Variants in FMNL2 observed in about 807,000 individuals in gnomAD.
FMNL2 encodes formin like 2.
Under a neutral mutation model 130.2 loss-of-function variants are expected in FMNL2, and 51 were observed. That is an observed-to-expected ratio of 0.39 (90% CI 0.31 to 0.49). FMNL2 has a LOEUF of 0.49. Among genes scored for constraint, FMNL2 ranks in the 20% least tolerant of loss-of-function variants. The pLI is 0.85. For missense variants in FMNL2, 977 were observed against 1,316.2 expected (o/e 0.74, Z 3.99); for synonymous variants, 465 against 467.1 (o/e 1.00, Z 0.06).
At chr2:152,348,159 C>A (rs896837988) in intron 1 of FMNL2, among the ~76,000 whole-genome samples, 1 of 152,190 alleles carries the variant, frequency 6.6e-6, no homozygotes, top group African/African-American at 2.4e-5. Context: ...ACTCTCCTTA[C>A]TTTGATCGCT....
chr2:152,521,292 T>C (rs995434375), intron 1 of FMNL2, among the ~76,000 whole-genome samples: 2 of 152,184 alleles, frequency 1.3e-5, no homozygotes, highest in Non-Finnish European at 2.9e-5. Flanking sequence ...GAGGAGGGTT[T>C]ATACGAGTGC....
At chr2:152,362,452 C>T (rs1439189281) in intron 1 of FMNL2, among the ~76,000 whole-genome samples, 1 of 152,072 alleles carries the variant, frequency 6.6e-6, no homozygotes, top group African/African-American at 2.4e-5. Context: ...AATGGAGTAA[C>T]CCCTGTAGAG....
chr2:152,492,962 A>G (rs747458893), intron 1 of FMNL2, among the ~76,000 whole-genome samples: 1 of 152,180 alleles, frequency 6.6e-6, no homozygotes, highest in Non-Finnish European at 1.5e-5. Flanking sequence ...GTCAACAAGG[A>G]AGTACCTAAC....
intron 1 of FMNL2, among the ~76,000 whole-genome samples, chr2:152,365,313 G>C (rs192085844): frequency 1.5e-4 from 23 of 152,130 alleles, no homozygotes; most frequent in Non-Finnish European, 2.9e-4. Context: ...GGAAAGGCAC[G>C]GTGGTATGGT....
At chr2:152,486,913 C>T (rs1225213062) in intron 1 of FMNL2, among the ~76,000 whole-genome samples, 13 of 152,092 alleles carry the variant, frequency 8.5e-5, no homozygotes, top group Non-Finnish European at 1.8e-4. Flanking sequence ...AGAAATGAGC[C>T]GTTAGTAAAT....
chr2:152,570,901 C>T (rs1307489351), intron 6 of FMNL2, among the ~76,000 whole-genome samples: 1 of 152,306 alleles, frequency 6.6e-6, no homozygotes, highest in East Asian at 1.9e-4. Flanking sequence ...GATAAGAAAA[C>T]TGGCAAAAAT....
chr2:152,443,458 G>C (rs1272629937), intron 1 of FMNL2, among the ~76,000 whole-genome samples: 1 of 152,196 alleles, frequency 6.6e-6, no homozygotes, highest in East Asian at 1.9e-4. Context: ...AGGGAAGCTA[G>C]AGGAAGAGGA....
intron 1 of FMNL2, among the ~76,000 whole-genome samples, chr2:152,394,618 A>T (rs539842382): frequency 2.0e-5 from 3 of 151,194 alleles, no homozygotes; most frequent in Admixed American, 6.6e-5. Flanking sequence ...TGAAAAAAAA[A>T]TTTTGACTTT....
At chr2:152,439,079 TTGTGTGTGTGTGTGTGTGTGTG>T (rs10539703) in intron 1 of FMNL2, among the ~76,000 whole-genome samples, 1 of 144,476 alleles carries the variant, frequency 6.9e-6, no homozygotes. Context: ...TTCAGTTTAA[TTGTGTGTGTGTGTGTGTGTGTG>T]TGTGTGTGTG....
At chr2:152,406,770 A>G (rs912597952) in intron 1 of FMNL2, among the ~76,000 whole-genome samples, 1 of 152,234 alleles carries the variant, frequency 6.6e-6, no homozygotes, top group African/African-American at 2.4e-5. Flanking sequence ...CTTTAAGTCT[A>G]AGACGTTTCA....
intron 1 of FMNL2, among the ~76,000 whole-genome samples, chr2:152,340,637 A>G (rs770288809): frequency 6.6e-6 from 1 of 152,238 alleles, no homozygotes; most frequent in Non-Finnish European, 1.5e-5. Flanking sequence ...TGCAACGCAT[A>G]TACTCCAAAT....
intron 25 of FMNL2, chr2:152,643,672 G>A: frequency 1.4e-6 from 2 of 1,435,738 alleles, no homozygotes; most frequent in Non-Finnish European, 1.8e-6. Flanking sequence ...GCATGGTTTT[G>A]CATTTCAATT....
Position 152,445,978 on chromosome 2 carries a change from C to T in FMNL2, c.118-75965C>T, listed in dbSNP as rs182620148. Reference sequence around the variant, plus strand: ...TGATTCATGATACTTTCTAAACAGCCACAGTAGCTGAAACATTGGACTACT... The same window carrying T: ...TGATTCATGATACTTTCTAAACAGCTACAGTAGCTGAAACATTGGACTACT... On this transcript the variant is annotated intron_variant, in intron 1 of 25. Coordinates refer to ENST00000288670, the MANE Select transcript of FMNL2 (RefSeq NM_052905.4). Among the ~76,000 whole-genome samples the T allele has an allele frequency of 1.8e-4, 27 of 152,274 alleles. No individual in the cohort carries two copies. In the East Asian group the frequency reaches 5.0e-3, roughly 28 times the overall value.
At chr2:152,371,778 T>C (rs774668903) in intron 1 of FMNL2, among the ~76,000 whole-genome samples, 5 of 151,886 alleles carry the variant, frequency 3.3e-5, no homozygotes, top group Non-Finnish European at 5.9e-5. Flanking sequence ...ATTCATGAAT[T>C]AATGGGTTAT....
At chr2:152,532,611 AT>A (rs58777501) in intron 2 of FMNL2, among the ~76,000 whole-genome samples, 110,043 of 136,924 alleles carry the variant, frequency 0.8, 44,435 homozygotes, top group Non-Finnish European at 0.88. Context: ...TTTTTTTCTT[AT>A]TTTTTTTTTT....
intron 4 of FMNL2, among the ~76,000 whole-genome samples, chr2:152,553,432 G>A (rs1695040796): frequency 6.6e-6 from 1 of 151,876 alleles, no homozygotes; most frequent in Non-Finnish European, 1.5e-5. Context: ...AGAATACTGA[G>A]GGTCATTTAT....
chr2:152,356,961 G>T (rs896348086), intron 1 of FMNL2, among the ~76,000 whole-genome samples: 1 of 148,316 alleles, frequency 6.7e-6, no homozygotes, highest in African/African-American at 2.5e-5. Context: ...TATATATAAC[G>T]ATAAATATTA....
intron 10 of FMNL2, among the ~76,000 whole-genome samples, chr2:152,608,529 A>C (rs1215073074): frequency 6.7e-6 from 1 of 148,904 alleles, no homozygotes; most frequent in Non-Finnish European, 1.5e-5. Context: ...GTGTCTATAT[A>C]TATATACTTT....
At chr2:152,618,615 A>C (rs541455576) in intron 13 of FMNL2, among the ~76,000 whole-genome samples, 43 of 152,344 alleles carry the variant, frequency 2.8e-4, no homozygotes, top group Admixed American at 7.8e-4. Context: ...AGTTAGCTGC[A>C]TTTATTAAAT....
Sources: gnomAD v4.1 joint callset for allele counts (sites outside exome capture counted in the v4.1 genomes callset) on GRCh38, gnomAD v4.1.1 for gene constraint, MANE v1.5 for transcripts, NCBI Gene and HGNC (gene_info 2026-07-23, HGNC 2026-07-21) for gene names.